CDC27: variants seen among roughly 807,000 people sequenced by gnomAD.
CDC27 encodes cell division cycle 27, also known as cell division cycle protein 27 homolog.
CDC27 carries 27 observed loss-of-function variants against 109.7 expected under a neutral mutation model. That is an observed-to-expected ratio of 0.25 (90% CI 0.18 to 0.34). The LOEUF (loss-of-function observed/expected upper bound fraction) is 0.34, where lower values mean the gene tolerates loss of function less well. Ranked by LOEUF, CDC27 falls within the 10% of genes least tolerant of loss-of-function variation. The probability of loss-of-function intolerance (pLI) is 1.00; values close to 1 mark genes in which losing one functional copy is unlikely to be tolerated. For synonymous variants in CDC27, 266 were observed against 333.9 expected, an observed-to-expected ratio of 0.80 and a Z score of 2.22; for missense variants, 579 against 960.2, an observed-to-expected ratio of 0.60 and a Z score of 5.25.
At chr17:47,126,760 T>C (rs956353249) in intron 16 of CDC27, among the ~76,000 whole-genome samples, 1 of 152,200 alleles carries the variant, frequency 6.6e-6, no homozygotes, top group Admixed American at 6.5e-5. Context: ...AGTTAAAAGT[T>C]GAAACGGGCT....
chr17:47,129,641 T>A, intron 15 of CDC27, 120 bp from the exon 16 acceptor site: 1 of 583,784 alleles, frequency 1.7e-6, no homozygotes. Flanking sequence ...AGGGTCTAAC[T>A]GGATTGTCCA....
chr17:47,181,058 C>G (rs1488702368), intron 2 of CDC27, among the ~76,000 whole-genome samples: 3 of 149,116 alleles, frequency 2.0e-5, no homozygotes, highest in Admixed American at 1.3e-4. Flanking sequence ...TTGAGACCAG[C>G]CTGGGCAACA....
intron 15 of CDC27, 105 bp from the exon 16 acceptor site, chr17:47,129,626 G>T: frequency 1.4e-6 from 1 of 704,866 alleles, no homozygotes; most frequent in Non-Finnish European, 2.3e-6. Flanking sequence ...TAGAGATAAG[G>T]TTGTAGGGTC....
intron 5 of CDC27, among the ~76,000 whole-genome samples, chr17:47,157,720 T>TAA (rs1162045866): frequency 6.6e-6 from 1 of 152,202 alleles, no homozygotes; most frequent in Non-Finnish European, 1.5e-5. Flanking sequence ...GTTGAAGAGT[T>TAA]AAAACCCATC....
intron 17 of CDC27, among the ~76,000 whole-genome samples, chr17:47,122,884 G>A (rs1336885432): frequency 6.6e-6 from 1 of 152,034 alleles, no homozygotes; most frequent in Non-Finnish European, 1.5e-5. Flanking sequence ...ATGTTAGCTA[G>A]GCTACTCTCA....
intron 1 of CDC27, among the ~76,000 whole-genome samples, chr17:47,188,006 T>C (rs2064512505): frequency 6.6e-6 from 1 of 152,122 alleles, no homozygotes; most frequent in South Asian, 2.1e-4. Context: ...TGTAAACAGC[T>C]GGAGAAAAAA....
intron 3 of CDC27, among the ~76,000 whole-genome samples, chr17:47,170,730 A>G (rs1254507077): frequency 2.6e-5 from 4 of 152,174 alleles, no homozygotes; most frequent in Non-Finnish European, 5.9e-5. Context: ...TCATTAACAA[A>G]CATGGTGGTC....
Position 47,138,789 on chromosome 17 carries a change from G to C in CDC27, c.1654C>G (p.Leu552Val). The C allele has an allele frequency of 6.2e-7, 1 of 1,611,714 alleles. No homozygotes were observed. Among genetic ancestry groups the C allele is most frequent in the Non-Finnish European group, 8.5e-7 (1 of 1,179,226 alleles). Residue 552 changes from leucine to valine, a missense_variant, in exon 13 of 19, where the codon CTT (leucine) becomes GTT (valine). This residue lies in a region of CDC27 where 227 missense variants were observed against 363.6 expected (regional missense o/e 0.62). Transcript: ENST00000066544. The part of the protein sequence containing the change: ...TLWHLQKDVA[L>V]SVLSKDLTDM... ...GTTAAGTCTTTTGACAGAACTGAAA[G>C]AGCAACATCTTTTTGAAGATGCCAA...
intron 14 of CDC27, among the ~76,000 whole-genome samples, chr17:47,135,649 C>T (rs201714005): frequency 5.9e-5 from 9 of 152,248 alleles, no homozygotes; most frequent in East Asian, 1.9e-4. Flanking sequence ...TACCTAAATA[C>T]GTCAGCATTT....
At chr17:47,172,790 C>T (rs2063850874) in intron 2 of CDC27, among the ~76,000 whole-genome samples, 1 of 152,168 alleles carries the variant, frequency 6.6e-6, no homozygotes, top group Non-Finnish European at 1.5e-5. Context: ...ATCATCACTT[C>T]ACTTCTATCC....
At chr17:47,145,709 T>C (rs2062936580) in intron 9 of CDC27, among the ~76,000 whole-genome samples, 1 of 152,132 alleles carries the variant, frequency 6.6e-6, no homozygotes, top group East Asian at 1.9e-4. Context: ...GAGATCATCC[T>C]GGCCAACATG....
At chr17:47,169,645 CAAAAAAAA>C (rs373074410) in intron 4 of CDC27, among the ~76,000 whole-genome samples, 1 of 60,166 alleles carries the variant, frequency 1.7e-5, no homozygotes, top group South Asian at 5.6e-4. Context: ...AACTCCATCT[CAAAAAAAA>C]AAAAAAAAAA....
intron 4 of CDC27, chr17:47,162,089 C>G (rs2063513792): frequency 6.6e-6 from 1 of 152,200 alleles, no homozygotes; most frequent in African/African-American, 2.4e-5. Flanking sequence ...CTCTTTCTTT[C>G]TGTGTGTGTT....
chr17:47,159,656 C>T (rs958390391), intron 4 of CDC27: 4 of 444,524 alleles, frequency 9.0e-6, no homozygotes, highest in Non-Finnish European at 1.6e-5. Context: ...GCATTTAACA[C>T]CCAGACCGAC....
intron 14 of CDC27, among the ~76,000 whole-genome samples, chr17:47,133,028 T>TATATATATAC (rs1555783886): frequency 1.3e-3 from 39 of 29,822 alleles, no homozygotes; most frequent in Non-Finnish European, 2.0e-3. Flanking sequence ...TATATATATA[T>TATATATATAC]ACACACACAC....
intron 13 of CDC27, 28 bp downstream of exon 13, chr17:47,138,711 T>C: frequency 6.4e-7 from 1 of 1,559,124 alleles, no homozygotes; most frequent in Non-Finnish European, 8.8e-7. Context: ...AAGGTAACTA[T>C]ATAAGCAAAG....
chr17:47,158,291 C>A lies in CDC27; in HGVS notation c.390G>T (p.Arg130=). 2 of 1,555,952 alleles carry A rather than the reference C, an allele frequency of 1.3e-6. No individual in the cohort carries two copies. Among genetic ancestry groups the A allele is most frequent in the Non-Finnish European group, 1.7e-6 (2 of 1,148,832 alleles). The change falls in exon 5 of 19, where the codon CGG becomes CGT. Residue 130 remains arginine, a synonymous_variant. Transcript: ENST00000066544. ...LLGHVYCKTD[R]LAKGSECYQK... Reference sequence around the variant, plus strand: ...GGTAACATTCTGATCCTTTGGCAAGCCGATCTGTCTTGCTGTGGAGAGAAA... The same window carrying A: ...GGTAACATTCTGATCCTTTGGCAAGACGATCTGTCTTGCTGTGGAGAGAAA...
Position 47,189,184 on chromosome 17 carries a change from A to T in CDC27, c.-12T>A, listed in dbSNP as rs1287918731. On this transcript the variant is annotated 5_prime_UTR_variant, in exon 1 of 19. An upstream open reading frame in the 5' UTR loses its in-frame stop. Coordinates refer to ENST00000066544, the MANE Select transcript of CDC27 (RefSeq NM_001256.6). Reference sequence around the variant, plus strand: ...TGCAGCACCGTCATCCTCGAGGCTCAGGCCCACTTTCTGCAGTGCCTCAGG... The same window carrying T: ...TGCAGCACCGTCATCCTCGAGGCTCTGGCCCACTTTCTGCAGTGCCTCAGG... The T allele has an allele frequency of 2.5e-6, 4 of 1,610,366 alleles. No individual in the cohort carries two copies. In the African/African-American group the frequency reaches 5.3e-5, roughly 22 times the overall value.
At chr17:47,151,617 C>T (rs905534592) in intron 9 of CDC27, among the ~76,000 whole-genome samples, 189 bp downstream of exon 9, 2 of 152,158 alleles carry the variant, frequency 1.3e-5, no homozygotes, top group African/African-American at 4.8e-5. Flanking sequence ...TAACTATTGT[C>T]TTCTGTGCAT....
Sources: allele counts gnomAD v4.1 joint callset (sites outside exome capture counted in the v4.1 genomes callset), GRCh38; gene constraint gnomAD v4.1.1; regional missense constraint gnomAD v4.1.1; transcripts MANE v1.5; gene names NCBI Gene and HGNC (gene_info 2026-07-23, HGNC 2026-07-21).